CSMD2: variants seen among roughly 807,000 people sequenced by gnomAD.
CSMD2 encodes the protein CUB and sushi domain-containing protein 2.
Under a neutral mutation model 398.5 loss-of-function variants are expected in CSMD2, and 130 were observed. The observed-to-expected ratio is 0.33, with a 90% CI of 0.28 to 0.38. The LOEUF (loss-of-function observed/expected upper bound fraction) is 0.38. Ranked by LOEUF, CSMD2 falls within the 10% of genes least tolerant of loss-of-function variation. The probability of loss-of-function intolerance (pLI) is 1.00; values close to 1 mark genes in which losing one functional copy is unlikely to be tolerated. For missense variants in CSMD2, 3,829 were observed against 4,764.9 expected (o/e 0.80, Z 5.78); for synonymous variants, 1,828 against 1,908.5 (o/e 0.96, Z 1.10).
At chr1:33,954,148 C>T (rs1645090495) in intron 3 of CSMD2, among the ~76,000 whole-genome samples, 1 of 152,170 alleles carries the variant, frequency 6.6e-6, no homozygotes. Flanking sequence ...TCTCCTTCAA[C>T]CCCCTCCCCT....
chr1:33,772,450 G>T, intron 13 of CSMD2, 119 bp downstream of exon 13: 2 of 820,288 alleles, frequency 2.4e-6, no homozygotes, highest in African/African-American at 1.7e-5. Flanking sequence ...AAACCAACCA[G>T]AGTGCAGCTG....
intron 2 of CSMD2, among the ~76,000 whole-genome samples, chr1:34,043,295 G>A (rs1652080704): frequency 6.6e-6 from 1 of 152,126 alleles, no homozygotes; most frequent in Admixed American, 6.6e-5. Context: ...TCTGTGCCCA[G>A]ATGTATCCCT....
intron 3 of CSMD2, among the ~76,000 whole-genome samples, chr1:34,000,630 G>C (rs1646871451): frequency 6.6e-6 from 1 of 152,158 alleles, no homozygotes; most frequent in South Asian, 2.1e-4. Flanking sequence ...ACTAGCCAGA[G>C]AAGTGTCATA....
At chr1:34,051,665 C>G (rs1653187019) in intron 2 of CSMD2, among the ~76,000 whole-genome samples, 1 of 152,118 alleles carries the variant, frequency 6.6e-6, no homozygotes, top group South Asian at 2.1e-4. Flanking sequence ...AAGATTTTGT[C>G]TCCTCCTCTG....
chr1:33,964,514 G>C (rs57529824), intron 3 of CSMD2, among the ~76,000 whole-genome samples: 6,642 of 152,292 alleles, frequency 0.044, 506 homozygotes, highest in African/African-American at 0.15. Flanking sequence ...AGAGGTTCTA[G>C]AAGCCTTAAG....
chr1:33,826,552 C>T (rs1417768264), intron 6 of CSMD2, among the ~76,000 whole-genome samples: 2 of 152,200 alleles, frequency 1.3e-5, no homozygotes, highest in Admixed American at 6.5e-5. Flanking sequence ...GAAGCTGAAT[C>T]CTGGAGGTCA....
At chr1:33,863,767 C>A (rs1264153156) in intron 5 of CSMD2, 4 of 166,936 alleles carry the variant, frequency 2.4e-5, no homozygotes, top group Admixed American at 1.8e-4. Flanking sequence ...GGAAGGCAGA[C>A]CCCATGGCCT....
intron 5 of CSMD2, chr1:33,873,818 G>A (rs912701688): frequency 5.9e-5 from 9 of 152,198 alleles, no homozygotes; most frequent in African/African-American, 2.2e-4. Context: ...CTAAGCTTTG[G>A]AGTAATATGT....
chr1:33,798,198 A>C (rs1426010915), intron 10 of CSMD2, among the ~76,000 whole-genome samples: 1 of 152,234 alleles, frequency 6.6e-6, no homozygotes, highest in Non-Finnish European at 1.5e-5. Context: ...TTTCGGAGGC[A>C]GGAGAAATGG....
At chr1:33,650,314 C>T (rs2148962246) in intron 28 of CSMD2, among the ~76,000 whole-genome samples, 1 of 152,272 alleles carries the variant, frequency 6.6e-6, no homozygotes, top group African/African-American at 2.4e-5. Context: ...CGAGGCAGAG[C>T]AGAAACACAA....
rs1657386489 is a variant in CSMD2, at chr1:34,082,662, G to A, written c.404+6315C>T. Among the ~76,000 whole-genome samples the A allele has an allele frequency of 3.3e-5, 5 of 152,266 alleles. No individual in the cohort carries two copies. In the South Asian group the frequency reaches 1.0e-3, roughly 31 times the overall value. ...GGAAATGTGGGGAAAAGAGAGATCA[G>A]ATTGTTAGTGTGTCTGTGTATAAAG... On this transcript the variant is annotated intron_variant, in intron 2 of 70. Transcript: ENST00000373381.
chr1:33,517,848 G>C (rs532363142), intron 70 of CSMD2, among the ~76,000 whole-genome samples: 3 of 152,248 alleles, frequency 2.0e-5, no homozygotes, highest in South Asian at 2.1e-4. Flanking sequence ...AGTAAAGCAC[G>C]TCAGGGGCTG....
At chr1:33,938,900 G>T (rs1374661062) in intron 3 of CSMD2, among the ~76,000 whole-genome samples, 2 of 150,976 alleles carry the variant, frequency 1.3e-5, no homozygotes, top group East Asian at 3.9e-4. Context: ...GGCTTACTTG[G>T]CATTTCCCAT....
At chr1:33,875,539 G>A (rs1387712072) in intron 5 of CSMD2, 1 of 152,244 alleles carries the variant, frequency 6.6e-6, no homozygotes, top group Non-Finnish European at 1.5e-5. Context: ...GCTGACTGGT[G>A]GCAGTGAGGG....
rs982527208 is a variant in CSMD2 at position 33,646,950 on chromosome 1, C to T, written c.4587-115G>A. ...CCCAGGGAGCAAGCCCACCATCCCA[C>T]TGGTACCCAACCCCTGAAGACTGGC... On this transcript the variant is annotated intron_variant, in intron 28 of 70. Transcript: ENST00000373381. 4.0e-6 allele frequency: 4 copies of T among 994,700 alleles called. No individual in the cohort carries two copies. The African/African-American group carries it at 6.5e-5, about 16-fold the overall frequency. 61.6% of individuals were successfully genotyped at this position (994,700 alleles called of 1,614,324 possible).
intron 2 of CSMD2, among the ~76,000 whole-genome samples, chr1:34,087,143 G>T (rs1657974179): frequency 6.6e-6 from 1 of 151,782 alleles, no homozygotes; most frequent in Admixed American, 6.6e-5. Flanking sequence ...TACATTTCCT[G>T]TGCCCTTAGC....
intron 5 of CSMD2, among the ~76,000 whole-genome samples, chr1:33,851,188 G>A (rs1638684240): frequency 6.6e-6 from 1 of 152,112 alleles, no homozygotes; most frequent in Non-Finnish European, 1.5e-5. Flanking sequence ...TCGCAAGTGA[G>A]GGCCACTCCC....
chr1:33,614,611 C>G lies in CSMD2; in HGVS notation c.6026G>C (p.Gly2009Ala), dbSNP rs1641263350. ...CCCCTCCATCTCCTCCACTGTTCCCCCACACTGTGCTGTGACAATGAGATG... is the reference window on the plus strand; with the variant it reads ...CCCCTCCATCTCCTCCACTGTTCCCGCACACTGTGCTGTGACAATGAGATG... Reference protein sequence around the residue: ...YPPPLCIAQCGGTVEEMEGVI... With the variant: ...YPPPLCIAQCAGTVEEMEGVI... The change falls in exon 40 of 71, where the codon GGG becomes GCG. Residue 2009 changes from glycine to alanine, a missense_variant. Transcript: ENST00000373381. 1.3e-6 allele frequency: 2 copies of G among 1,598,262 alleles called. No individual in the cohort carries two copies. Among genetic ancestry groups the G allele is most frequent in the African/African-American group, 1.3e-5 (1 of 74,566 alleles).
At position 33,541,216 on chromosome 1, in the gene CSMD2, G is replaced by C; in HGVS notation, c.9371C>G (p.Pro3124Arg). Residue 3124 changes from proline to arginine, a missense_variant, in exon 59 of 71, where the codon CCT (proline) becomes CGT (arginine). By Grantham distance (103) the Pro-to-Arg change is moderately radical. Around this residue, in one of 5 missense-constraint regions of CSMD2, gnomAD observed 917 missense variants for 1,199.5 expected, o/e 0.76. Transcript: ENST00000373381. ...YNKTVTYQCV[P>R]GYMMESHRVS... ...TCTATGTGACTCCATCATATAGCCAGGGACACACTGATATGTCACAGTTTT... is the reference window on the plus strand; with the variant it reads ...TCTATGTGACTCCATCATATAGCCACGGACACACTGATATGTCACAGTTTT... 1 of 1,614,082 alleles carries C rather than the reference G, an allele frequency of 6.2e-7. No homozygotes were observed. The highest frequency in any genetic ancestry group is 1.1e-5 in the South Asian group (1 of 91,072).
Sources: allele counts gnomAD v4.1 joint callset (sites outside exome capture counted in the v4.1 genomes callset), GRCh38; gene constraint gnomAD v4.1.1; regional missense constraint gnomAD v4.1.1; transcripts MANE v1.5; gene names NCBI Gene and HGNC (gene_info 2026-07-23, HGNC 2026-07-21).